The following SPOCD1 variants were observed in gnomAD, a reference collection of about 807,000 sequenced individuals.
SPOCD1 encodes the protein SPOC domain-containing protein 1.
SPOCD1 carries 64 observed loss-of-function variants against 92.2 expected under a neutral mutation model. That is an observed-to-expected ratio of 0.69 (90% CI 0.57 to 0.86). SPOCD1 has a LOEUF of 0.86. Among genes scored for constraint, SPOCD1 ranks in the 40% least tolerant of loss-of-function variants. The probability of loss-of-function intolerance (pLI) is 0.00; values close to 1 mark genes in which losing one functional copy is unlikely to be tolerated. For synonymous variants in SPOCD1, 578 were observed against 619.3 expected (o/e 0.93, Z 0.99); for missense variants, 1,360 against 1,543.1 (o/e 0.88, Z 1.99).
chr1:31,798,543 C>T lies in SPOCD1; in HGVS notation c.1927G>A (p.Gly643Ser). The change falls in exon 8 of 16, where the codon GGC becomes AGC. Residue 643 changes from glycine (G) to serine (S), a missense_variant. By Grantham distance (56) the Gly-to-Ser change is moderately conservative (BLOSUM62 0). This residue lies in a region of SPOCD1 where 614 missense variants were observed against 757.8 expected (regional missense o/e 0.81). Transcript: ENST00000360482. The surrounding 1 kb of genome is among the most constrained non-coding windows in gnomAD (Gnocchi z 4.1). ...AGGTCCCAGAGGGCTGCCTCAATGC[C>T]AGCAGCAATGCCCTCCACCACCTCC... Reference protein sequence around the residue: ...SEEVVEGIAAGIEAALWDLTQ... With the variant: ...SEEVVEGIAASIEAALWDLTQ... The T allele has an allele frequency of 6.2e-7, 1 of 1,613,882 alleles. No homozygotes were observed. The highest frequency in any genetic ancestry group is 8.5e-7 in the Non-Finnish European group (1 of 1,180,020).
rs759024008 is a variant in SPOCD1 at position 31,790,825 on chromosome 1, G to A, written c.3429C>T (p.Ser1143=). ...FGRGQHFHRD[S]CPHQALLRHL... is the part of the protein sequence containing the mutation. ...GCCGGAGCAGGGCTTGGTGGGGACA[G>A]GAGTCCCTGTGGAAGTGCTGGCCAC... Residue 1143 remains serine, a synonymous_variant, in exon 16 of 16, where the codon TCC becomes TCT. Transcript: ENST00000360482. The A allele has an allele frequency of 2.1e-4, 329 of 1,539,384 alleles. No individual in the cohort carries two copies. Among genetic ancestry groups the A allele is most frequent in the Non-Finnish European group, 2.6e-4 (301 of 1,141,846 alleles).
At chr1:31,793,941 C>T (rs750728684) in intron 11 of SPOCD1, 44 bp from the exon 12 acceptor site, 25 of 1,585,008 alleles carry the variant, frequency 1.6e-5, no homozygotes, top group East Asian at 4.5e-5. Context: ...GCAGCAGCAG[C>T]GCTGAAGCCA....
intron 14 of SPOCD1, 121 bp from the exon 15 acceptor site, chr1:31,792,522 G>A (rs1647675684): frequency 1.2e-5 from 15 of 1,233,300 alleles, no homozygotes; most frequent in Middle Eastern, 1.9e-4. Context: ...TTCCAGAGGA[G>A]GAAACAGAGG....
At chr1:31,808,454 A>G (rs1648984251) in intron 2 of SPOCD1, among the ~76,000 whole-genome samples, 1 of 150,626 alleles carries the variant, frequency 6.6e-6, no homozygotes, top group Non-Finnish European at 1.5e-5. Flanking sequence ...TGCAATAATA[A>G]TAATTATAAT....
Position 31,800,058 on chromosome 1 carries a change from G to A in SPOCD1, c.1686C>T (p.Ser562=), listed in dbSNP as rs546221863. ...SDPFYPPRSG[S]LALGDPSSDP... The stretch of plus-strand genomic sequence containing the variant: ...CCGAGCTGGGGTCGCCAAGGGCCAG[G>A]GAACCGCTTCTTGGAGGGTAGAAGG... Residue 562 remains serine (S), a synonymous_variant, in exon 5 of 16, where the codon TCC becomes TCT. Coordinates refer to ENST00000360482, the MANE Select transcript of SPOCD1 (RefSeq NM_144569.7). The A allele has an allele frequency of 4.8e-5, 77 of 1,610,414 alleles. No individual in the cohort carries two copies. In the Admixed American group the frequency reaches 1.3e-3, roughly 27 times the overall value.
chr1:31,812,681 C>T (rs1374822418), intron 2 of SPOCD1, among the ~76,000 whole-genome samples: 1 of 152,172 alleles, frequency 6.6e-6, no homozygotes, highest in Non-Finnish European at 1.5e-5. Flanking sequence ...AGGCTTGTTA[C>T]AAAGATTGCA....
chr1:31,793,864 A>G lies in SPOCD1; in HGVS notation c.2417T>C (p.Phe806Ser). 1 of 1,614,064 alleles carries G rather than the reference A, an allele frequency of 6.2e-7. No homozygotes were observed. Among genetic ancestry groups the G allele is most frequent in the Non-Finnish European group, 8.5e-7 (1 of 1,179,918 alleles). Residue 806 changes from phenylalanine to serine, a missense_variant, in exon 12 of 16, where the codon TTC (phenylalanine) becomes TCC (serine). Around this residue, in one of 3 missense-constraint regions of SPOCD1, gnomAD observed 614 missense variants for 757.8 expected, o/e 0.81. Coordinates refer to ENST00000360482, the MANE Select transcript of SPOCD1 (RefSeq NM_144569.7). ...WEPSNELLGS[F>S]EAAKSCGDNI... ...GTCCCCGCAGCTCTTGGCGGCTTCG[A>G]AGGAGCCTAGCAGCTCATTCGAGGG...
In SPOCD1 at chr1:31,815,140, A is replaced by T; in HGVS notation, c.194T>A (p.Leu65His). 6.2e-7 allele frequency: 1 copy of T among 1,608,262 alleles called. No individual in the cohort carries two copies. The highest frequency in any genetic ancestry group is 2.2e-5 in the East Asian group (1 of 44,646). Residue 65 changes from leucine to histidine, a missense_variant, in exon 2 of 16, where the codon CTT (leucine) becomes CAT (histidine). By Grantham distance (99) the Leu-to-His change is moderately conservative. Around this residue, in one of 3 missense-constraint regions of SPOCD1, gnomAD observed 140 missense variants for 183.8 expected, o/e 0.76. Coordinates refer to ENST00000360482, the MANE Select transcript of SPOCD1 (RefSeq NM_144569.7). ...TGCAGCCCGGGAGCTGCCACCTCGA[A>T]GGGCCTCCTTCCTGGGGATCTTCCT... ...SRRKIPRKEALRGGSSRAAGA... is the reference protein window; with the variant it reads ...SRRKIPRKEAHRGGSSRAAGA...
At chr1:31,793,172 T>C in intron 13 of SPOCD1, 106 bp downstream of exon 13, 1 of 1,353,156 alleles carries the variant, frequency 7.4e-7, no homozygotes, top group Admixed American at 2.5e-5. Flanking sequence ...CAGAAAGGGG[T>C]GCCCATGAAT....
chr1:31,794,177 G>A lies in SPOCD1; in HGVS notation c.2330C>T (p.Thr777Ile), dbSNP rs1288049630. ...GAAGTGGTGGTCATGCTGCCCCGTG[G>A]TGTCCTCTGATGCGATGGGCAGGGC... ...PQALPIASED[T>I]TGQHDHHFLD... The change falls in exon 11 of 16, where the codon ACC becomes ATC. Residue 777 changes from threonine (T) to isoleucine (I), a missense_variant. Coordinates refer to ENST00000360482, the MANE Select transcript of SPOCD1 (RefSeq NM_144569.7). The A allele has an allele frequency of 6.2e-7, 1 of 1,614,106 alleles. No individual in the cohort carries two copies. Among genetic ancestry groups the A allele is most frequent in the Non-Finnish European group, 8.5e-7 (1 of 1,180,012 alleles).
rs188000920 is a variant in SPOCD1 at position 31,811,817 on chromosome 1, G to A, written c.1383+2134C>T. On this transcript the variant is annotated intron_variant, in intron 2 of 15. Transcript: ENST00000360482. Reference sequence around the variant, plus strand: ...CGAGTTGTTTGGAAAGCTGTGGGATGATGGGCTGTGCCGCAGTCAAGGATG... The same window carrying A: ...CGAGTTGTTTGGAAAGCTGTGGGATAATGGGCTGTGCCGCAGTCAAGGATG... 2.0e-5 allele frequency among the ~76,000 whole-genome samples: 3 copies of A among 152,366 alleles called. No individual in the cohort carries two copies. The East Asian group carries it at 5.8e-4, about 29-fold the overall frequency.
At chr1:31,807,222 G>A (rs562267357) in intron 2 of SPOCD1, among the ~76,000 whole-genome samples, 52 of 147,348 alleles carry the variant, frequency 3.5e-4, no homozygotes, top group Admixed American at 1.6e-3. Context: ...CTCCATCTCC[G>A]TGCTAAAAAT....
intron 2 of SPOCD1, among the ~76,000 whole-genome samples, chr1:31,812,291 G>T (rs1464512478): frequency 6.6e-6 from 1 of 152,162 alleles, no homozygotes; most frequent in Non-Finnish European, 1.5e-5. Flanking sequence ...CAGGGCTCAT[G>T]CTCCTCACTA....
intron 7 of SPOCD1, 85 bp downstream of exon 7, chr1:31,799,316 C>T (rs1648263015): frequency 8.2e-7 from 1 of 1,218,064 alleles, no homozygotes; most frequent in African/African-American, 1.5e-5. Flanking sequence ...CACCCAGAAG[C>T]CCTTAGAACA....
At chr1:31,792,617 G>A (rs1186071382) in intron 14 of SPOCD1, 61 bp downstream of exon 14, 1 of 1,377,948 alleles carries the variant, frequency 7.3e-7, no homozygotes, top group African/African-American at 1.4e-5. Flanking sequence ...CTCTAGAAGT[G>A]GAGAGGGAGG....
chr1:31,792,084 A>T, intron 15 of SPOCD1, 131 bp downstream of exon 15: 1 of 971,932 alleles, frequency 1.0e-6, no homozygotes, highest in Non-Finnish European at 1.5e-6. Flanking sequence ...CATTGTACTC[A>T]CATTTGCCTG....
intron 10 of SPOCD1, chr1:31,796,169 G>A: frequency 3.5e-6 from 1 of 287,702 alleles, no homozygotes. Context: ...GGTGCCGGGT[G>A]GTTCCCTGCC....
rs1250659433 is a variant in SPOCD1, at chr1:31,791,110, A to G, written c.3144T>C (p.Tyr1048=). ...CATTCGGCCTCCTGTCATCTGGCTG[A>G]TAGTATCTCTTCTCCACCTTACTGT... The part of the protein sequence containing the change: ...SFNSKVEKRY[Y]QPDDRRPNVP... Residue 1048 remains tyrosine (Y), a synonymous_variant, in exon 16 of 16, where the codon TAT becomes TAC. Transcript: ENST00000360482. 2 of 1,613,084 alleles carry G rather than the reference A, an allele frequency of 1.2e-6. No individual in the cohort carries two copies. The highest frequency in any genetic ancestry group is 3.3e-5 in the Admixed American group (2 of 59,994).
chr1:31,811,830 G>A lies in SPOCD1; in HGVS notation c.1383+2121C>T, dbSNP rs141814573. On this transcript the variant is annotated intron_variant, in intron 2 of 15. Coordinates refer to ENST00000360482, the MANE Select transcript of SPOCD1 (RefSeq NM_144569.7). Reference sequence around the variant, plus strand: ...AAGCTGTGGGATGATGGGCTGTGCCGCAGTCAAGGATGGAGCCTGGAGGAG... The same window carrying A: ...AAGCTGTGGGATGATGGGCTGTGCCACAGTCAAGGATGGAGCCTGGAGGAG... 2.5e-3 allele frequency among the ~76,000 whole-genome samples: 385 copies of A among 152,338 alleles called. 2 individuals are homozygous for A. The highest frequency in any genetic ancestry group is 8.3e-3 in the African/African-American group (347 of 41,574).
Sources: gnomAD v4.1 joint callset for allele counts (sites outside exome capture counted in the v4.1 genomes callset) on GRCh38, gnomAD v4.1.1 for gene constraint, gnomAD v4.1.1 regional missense constraint, Gnocchi (gnomAD v3.1) non-coding constraint, MANE v1.5 for transcripts, NCBI Gene and HGNC (gene_info 2026-07-23, HGNC 2026-07-21) for gene names.